Variants in PCDH9 observed in about 807,000 individuals in gnomAD.
PCDH9 encodes protocadherin 9, also known as protocadherin-9.
A neutral mutation model predicts 70.6 loss-of-function variants in PCDH9; 24 were observed. That is an observed-to-expected ratio of 0.34 (90% CI 0.25 to 0.48). PCDH9 has a LOEUF of 0.48. Ranked by LOEUF, PCDH9 falls within the 20% of genes least tolerant of loss-of-function variation. The pLI is 0.99. For synonymous variants in PCDH9, 562 were observed against 558.5 expected (o/e 1.01, Z -0.09); for missense variants, 1,281 against 1,503.6 (o/e 0.85, Z 2.45).
intron 2 of PCDH9, among the ~76,000 whole-genome samples, chr13:67,002,931 T>A (rs552480992): frequency 3.3e-4 from 50 of 152,140 alleles, no homozygotes; most frequent in African/African-American, 1.2e-3. Context: ...TTTTCAGCCA[T>A]CTATGTCTTG....
In PCDH9 at chr13:66,598,133, T is replaced by C. The variant is rs999660662; in HGVS notation, c.3340+33077A>G. Among the ~76,000 whole-genome samples, 15 of 151,874 alleles carry C rather than the reference T, an allele frequency of 9.9e-5. No individual in the cohort carries two copies. In the East Asian group the frequency reaches 2.7e-3, roughly 28 times the overall value. On this transcript the variant is annotated intron_variant, in intron 4 of 4. Coordinates refer to ENST00000377865, the MANE Select transcript of PCDH9 (RefSeq NM_203487.3). ...AATTAGAACCTTTTTACACTGTTGG[T>C]GGGAATGCAAAATGGCGTGACCACT...
chr13:66,459,020 G>A (rs996551313), intron 4 of PCDH9, among the ~76,000 whole-genome samples: 1 of 151,910 alleles, frequency 6.6e-6, no homozygotes, highest in Non-Finnish European at 1.5e-5. Flanking sequence ...AGGGGAGGGG[G>A]AGCAGAGGGT....
chr13:66,380,010 C>T (rs1042921926), intron 4 of PCDH9, among the ~76,000 whole-genome samples: 3 of 152,028 alleles, frequency 2.0e-5, no homozygotes, highest in East Asian at 1.9e-4. Context: ...AAGAATTTCA[C>T]GTAGAATATA....
intron 4 of PCDH9, among the ~76,000 whole-genome samples, chr13:66,317,618 T>G (rs1955677080): frequency 6.6e-6 from 1 of 152,170 alleles, no homozygotes; most frequent in South Asian, 2.1e-4. Context: ...CCTTACAGCC[T>G]AAAGATGCTA....
chr13:66,595,863 C>A (rs1593750667), intron 4 of PCDH9, among the ~76,000 whole-genome samples: 1 of 151,322 alleles, frequency 6.6e-6, no homozygotes, highest in South Asian at 2.1e-4. Flanking sequence ...CAGATAAACA[C>A]CAGCGTAAAG....
intron 2 of PCDH9, among the ~76,000 whole-genome samples, chr13:67,142,636 G>A (rs1456358867): frequency 6.6e-6 from 1 of 152,086 alleles, no homozygotes; most frequent in African/African-American, 2.4e-5. Flanking sequence ...TTAAAATACT[G>A]AAAGAATAAA....
chr13:66,726,875 A>G (rs2079012257), intron 3 of PCDH9, among the ~76,000 whole-genome samples: 1 of 152,204 alleles, frequency 6.6e-6, no homozygotes, highest in African/African-American at 2.4e-5. Context: ...TTTCATATTC[A>G]CCAAAAACAA....
intron 3 of PCDH9, among the ~76,000 whole-genome samples, chr13:66,889,183 C>T (rs1205263578): frequency 6.6e-6 from 1 of 152,108 alleles, no homozygotes; most frequent in Admixed American, 6.5e-5. Context: ...AGAACTGTAA[C>T]AGGCTGAGGT....
intron 2 of PCDH9, among the ~76,000 whole-genome samples, chr13:67,119,095 C>T (rs563386349): frequency 2.6e-5 from 4 of 152,062 alleles, no homozygotes; most frequent in East Asian, 1.9e-4. Flanking sequence ...TCAGCCAGGC[C>T]GTAATGGATG....
At chr13:66,857,232 GC>G (rs1195720018) in intron 3 of PCDH9, among the ~76,000 whole-genome samples, 2 of 152,100 alleles carry the variant, frequency 1.3e-5, no homozygotes, top group Admixed American at 1.3e-4. Context: ...GAGGTCAGAG[GC>G]TGTTGAGAGA....
chr13:66,841,823 A>G (rs570082575), intron 3 of PCDH9, among the ~76,000 whole-genome samples: 3 of 152,352 alleles, frequency 2.0e-5, no homozygotes, highest in South Asian at 2.1e-4. Flanking sequence ...TCCTCCCACA[A>G]TGATTCTATT....
chr13:66,605,196 G>C (rs1207186168), intron 4 of PCDH9, among the ~76,000 whole-genome samples: 1 of 151,984 alleles, frequency 6.6e-6, no homozygotes, highest in Non-Finnish European at 1.5e-5. Context: ...TTTTGTAATA[G>C]TTTCTAAATA....
chr13:66,569,404 C>T (rs1204810498), intron 4 of PCDH9, among the ~76,000 whole-genome samples: 1 of 152,010 alleles, frequency 6.6e-6, no homozygotes, highest in Admixed American at 6.6e-5. Flanking sequence ...TCAAAATTAA[C>T]CATAATGAAA....
chr13:66,644,946 G>A (rs557007829), intron 3 of PCDH9, among the ~76,000 whole-genome samples: 11 of 152,090 alleles, frequency 7.2e-5, no homozygotes, highest in South Asian at 4.1e-4. Flanking sequence ...TTCATGTCCT[G>A]GTCTGACAGA....
At chr13:66,949,700 C>T (rs2083146404) in intron 2 of PCDH9, among the ~76,000 whole-genome samples, 2 of 151,500 alleles carry the variant, frequency 1.3e-5, no homozygotes, top group African/African-American at 2.4e-5. Context: ...TCATCTCCAT[C>T]GACTAGTTGG....
chr13:66,459,297 TCTAA>T (rs1252824933), intron 4 of PCDH9, among the ~76,000 whole-genome samples: 1 of 151,956 alleles, frequency 6.6e-6, no homozygotes, highest in Admixed American at 6.6e-5. Flanking sequence ...AGGTCCAGTT[TCTAA>T]CTATTCCTGT....
intron 4 of PCDH9, among the ~76,000 whole-genome samples, chr13:66,431,583 T>C (rs902384856): frequency 2.6e-5 from 4 of 152,042 alleles, no homozygotes; most frequent in African/African-American, 7.2e-5. Flanking sequence ...TTAAGGATTT[T>C]ACAATATTGC....
At chr13:66,510,475 A>G (rs559766588) in intron 4 of PCDH9, among the ~76,000 whole-genome samples, 1 of 152,132 alleles carries the variant, frequency 6.6e-6, no homozygotes, top group Admixed American at 6.5e-5. Context: ...GTCGTCATTT[A>G]CATTAGGTAT....
At chr13:66,474,735 C>T (rs1958687816) in intron 4 of PCDH9, among the ~76,000 whole-genome samples, 1 of 152,006 alleles carries the variant, frequency 6.6e-6, no homozygotes, top group African/African-American at 2.4e-5. Context: ...TATGTCCTGG[C>T]TCTTACCACT....
Sources: allele counts gnomAD v4.1 joint callset (sites outside exome capture counted in the v4.1 genomes callset), GRCh38; gene constraint gnomAD v4.1.1; transcripts MANE v1.5; gene names NCBI Gene and HGNC (gene_info 2026-07-23, HGNC 2026-07-21).